The following NXNL2 variants were observed in gnomAD, a reference collection of about 807,000 sequenced individuals.
NXNL2 encodes the protein nucleoredoxin like 2, also known as nucleoredoxin-like protein 2.
NXNL2 carries 7 observed loss-of-function variants against 11.1 expected under a neutral mutation model. The ratio of observed to expected loss-of-function variants is 0.63; its 90% CI spans 0.36 to 1.18. The LOEUF is 1.18. Ranked by LOEUF, NXNL2 falls within the 50% of genes most tolerant of loss-of-function variation. The pLI is 0.02. For synonymous variants in NXNL2, 109 were observed against 101.8 expected (o/e 1.07, Z -0.42); for missense variants, 233 against 217.7 (o/e 1.07, Z -0.44).
intron 2 of NXNL2, among the ~76,000 whole-genome samples, chr9:88,573,260 C>G (rs902352407): frequency 1.3e-5 from 2 of 152,086 alleles, no homozygotes; most frequent in Non-Finnish European, 2.9e-5. Flanking sequence ...CCTCCTACCT[C>G]AGCCTCCCGG....
intron 1 of NXNL2, among the ~76,000 whole-genome samples, chr9:88,555,838 G>A (rs932215670): frequency 2.0e-5 from 3 of 151,546 alleles, no homozygotes; most frequent in Non-Finnish European, 4.4e-5. Context: ...CAAGCCAGGT[G>A]CAGAGCGGCA....
chr9:88,579,188 ACT>A (rs976226131), downstream of NXNL2, among the ~76,000 whole-genome samples: 24 of 151,774 alleles, frequency 1.6e-4, no homozygotes, highest in African/African-American at 5.8e-4. Context: ...ATAACCCGAG[ACT>A]CTGACACTGC....
At chr9:88,553,380 A>AC (rs1829969030) in intron 1 of NXNL2, among the ~76,000 whole-genome samples, 1 of 151,558 alleles carries the variant, frequency 6.6e-6, no homozygotes, top group African/African-American at 2.4e-5. Flanking sequence ...AACAACAACA[A>AC]AAAACCCATG....
intron 1 of NXNL2, among the ~76,000 whole-genome samples, chr9:88,581,020 A>G (rs1830403332): frequency 6.6e-6 from 1 of 152,240 alleles, no homozygotes; most frequent in African/African-American, 2.4e-5. Context: ...CAGAGGGCAC[A>G]TAAGGCCAGT....
downstream of NXNL2, among the ~76,000 whole-genome samples, chr9:88,578,135 T>C (rs11142344): frequency 0.4 from 60,197 of 152,142 alleles, 15,952 homozygotes; most frequent in East Asian, 0.89. Flanking sequence ...TGTCCTCAAG[T>C]ATACAAAGTG....
chr9:88,548,709 T>A (rs1316243817), downstream of NXNL2, among the ~76,000 whole-genome samples: 1 of 150,572 alleles, frequency 6.6e-6, no homozygotes, highest in Non-Finnish European at 1.5e-5. Flanking sequence ...AAAGGAATTA[T>A]CTTATCTGGC....
Position 88,544,400 on chromosome 9 carries a change from C to T in NXNL2, c.324C>T (p.Asn108=), listed in dbSNP as rs569444287. 9.5e-5 allele frequency: 147 copies of T among 1,551,882 alleles called. No homozygotes were observed. Among genetic ancestry groups the T allele is most frequent in the East Asian group, 9.0e-4 (37 of 40,904 alleles). ...PYRHELRKRY[N]VTAIPKLVIV... ...GCAGTGAGCTGAGGAAGAGGTACAA[C>T]GTCACAGCCATCCCCAAGCTTGTGA... Residue 108 remains asparagine, a synonymous_variant, in exon 2 of 2, where the codon AAC becomes AAT. Coordinates refer to ENST00000375854, the MANE Select transcript of NXNL2 (RefSeq NM_001161625.2).
chr9:88,535,886 C>T, intron 1 of NXNL2, 150 bp downstream of exon 1: 1 of 663,416 alleles, frequency 1.5e-6, no homozygotes, highest in Non-Finnish European at 2.5e-6. Context: ...CGGTAAATCA[C>T]ACTCAGTCTC....
intron 1 of NXNL2, among the ~76,000 whole-genome samples, chr9:88,562,570 T>C (rs1211458580): frequency 2.0e-5 from 3 of 152,036 alleles, no homozygotes; most frequent in African/African-American, 7.3e-5. Flanking sequence ...CTGGCCAACA[T>C]GGTGAAACCC....
intron 1 of NXNL2, 103 bp from the exon 2 acceptor site, chr9:88,544,276 G>C: frequency 3.0e-6 from 3 of 991,998 alleles, no homozygotes. Flanking sequence ...GCACCTGGTG[G>C]CTTCCTCCAA....
At chr9:88,557,376 TCAAATTTTC>T (rs565624416) in intron 1 of NXNL2, among the ~76,000 whole-genome samples, 79 of 152,318 alleles carry the variant, frequency 5.2e-4, no homozygotes, top group African/African-American at 1.9e-3. Flanking sequence ...ATGCTGGGCA[TCAAATTTTC>T]CAAATTTTCC....
rs537677536 is a variant in NXNL2 at position 88,535,721 on chromosome 9, A to G, written c.287A>G (p.His96Arg). Reference protein sequence around the residue: ...LHGAWLALPFHDPYRHELRKR... With the variant: ...LHGAWLALPFRDPYRHELRKR... Reference sequence around the variant, plus strand: ...GGCGCCTGGCTGGCGCTGCCCTTCCACGACCCCTACCGGCAGTGAGTGGGG... The same window carrying G: ...GGCGCCTGGCTGGCGCTGCCCTTCCGCGACCCCTACCGGCAGTGAGTGGGG... Residue 96 changes from histidine (H) to arginine (R), a missense_variant, in exon 1 of 2, where the codon CAC (histidine) becomes CGC (arginine). Coordinates refer to ENST00000375854, the MANE Select transcript of NXNL2 (RefSeq NM_001161625.2). The G allele has an allele frequency of 1.3e-6, 2 of 1,580,038 alleles. No individual in the cohort carries two copies. Among genetic ancestry groups the G allele is most frequent in the Non-Finnish European group, 1.7e-6 (2 of 1,168,398 alleles).
rs571311498 is a variant in NXNL2, at chr9:88,559,978, T to G, written c.303-11109T>G. 2.0e-5 allele frequency among the ~76,000 whole-genome samples: 3 copies of G among 152,068 alleles called. No individual in the cohort carries two copies. The East Asian group carries it at 5.8e-4, about 29-fold the overall frequency. ...TTCTAAAACCTTTTCGGGTTAACCT[T>G]CATGGCCTGCCCTGTCCTGGCCCTG... On this transcript the variant is annotated intron_variant, in intron 1 of 2. Coordinates refer to the NXNL2 transcript ENST00000375855.
At chr9:88,563,616 G>T (rs983651379) in intron 1 of NXNL2, among the ~76,000 whole-genome samples, 2 of 152,086 alleles carry the variant, frequency 1.3e-5, no homozygotes, top group African/African-American at 4.8e-5. Context: ...GGTTTAAATT[G>T]GATCATGTGG....
intron 1 of NXNL2, chr9:88,571,071 C>CT (rs60872685): frequency 0.25 from 81,018 of 322,256 alleles, 3,583 homozygotes; most frequent in East Asian, 0.63. Context: ...GCTTTCTTTT[C>CT]TTTTTTTTTT....
chr9:88,538,329 T>C (rs1235331877), intron 1 of NXNL2: 1 of 152,256 alleles, frequency 6.6e-6, no homozygotes, highest in African/African-American at 2.4e-5. Flanking sequence ...TAGAGCTTGA[T>C]TTAATGTTGC....
At chr9:88,537,685 A>G (rs1477514176) in intron 1 of NXNL2, among the ~76,000 whole-genome samples, 4 of 151,998 alleles carry the variant, frequency 2.6e-5, no homozygotes, top group Non-Finnish European at 4.4e-5. Context: ...TCAAAGACCA[A>G]TCCGGTTTAG....
intron 1 of NXNL2, among the ~76,000 whole-genome samples, chr9:88,560,280 C>T (rs1830070069): frequency 6.6e-6 from 1 of 151,672 alleles, no homozygotes; most frequent in Non-Finnish European, 1.5e-5. Context: ...CCCACTCAGC[C>T]CTTCTGCTTG....
chr9:88,550,511 A>G (rs1338217350), intron 1 of NXNL2, among the ~76,000 whole-genome samples: 2 of 152,264 alleles, frequency 1.3e-5, no homozygotes, highest in African/African-American at 4.8e-5. Flanking sequence ...ATGCAAAGTA[A>G]TAAATGAATA....
Sources: allele counts gnomAD v4.1 joint callset (sites outside exome capture counted in the v4.1 genomes callset), GRCh38; gene constraint gnomAD v4.1.1; transcripts MANE v1.5; gene names NCBI Gene and HGNC (gene_info 2026-07-23, HGNC 2026-07-21).